The following PRKDC variants were observed in gnomAD, a reference collection of about 807,000 sequenced individuals.
PRKDC encodes DNA-dependent protein kinase catalytic subunit.
A neutral mutation model predicts 486.9 loss-of-function variants in PRKDC; 82 were observed. That is an observed-to-expected ratio of 0.17 (90% CI 0.14 to 0.20). The LOEUF is 0.20. Among genes scored for constraint, PRKDC ranks in the 10% least tolerant of loss-of-function variants. PRKDC has a pLI of 1.00. For synonymous variants in PRKDC, 1,895 were observed against 1,837.0 expected, an observed-to-expected ratio of 1.03 and a Z score of -0.81; for missense variants, 4,504 against 5,038.2, an observed-to-expected ratio of 0.89 and a Z score of 3.21.
rs754958299 is a variant in PRKDC at position 47,864,643 on chromosome 8, C to T, written c.5484G>A (p.Leu1828=). ...TCAAAGCATCCAGGCTACAGTGCCA[C>T]AGCAGAGTGAGGAGGGAGCGGTCCA... ...SFVDRSLLTL[L]WHCSLDALRE... The change falls in exon 41 of 86, where the codon CTG becomes CTA. Residue 1828 remains leucine (L), a synonymous_variant. Transcript: ENST00000314191. The T allele has an allele frequency of 1.2e-6, 2 of 1,609,302 alleles. No homozygotes were observed. Among genetic ancestry groups the T allele is most frequent in the African/African-American group, 2.7e-5 (2 of 74,860 alleles).
chr8:47,827,190 G>A (rs1004079470), intron 62 of PRKDC, among the ~76,000 whole-genome samples: 1 of 135,412 alleles, frequency 7.4e-6, no homozygotes, highest in Non-Finnish European at 1.6e-5. Context: ...AATAAAAAAC[G>A]GAGCTAATGT....
chr8:47,843,855 T>C (rs543621551), intron 54 of PRKDC, among the ~76,000 whole-genome samples: 49 of 152,228 alleles, frequency 3.2e-4, no homozygotes, highest in Non-Finnish European at 6.0e-4. Context: ...TTAAGGGAAT[T>C]TGTTACTATT....
rs1444237746 is a variant in PRKDC at position 47,783,647 on chromosome 8, T to C, written c.11175+95A>G. 6.0e-6 allele frequency: 7 copies of C among 1,171,654 alleles called. No individual in the cohort carries two copies. The East Asian group carries it at 1.7e-4, about 28-fold the overall frequency. The allele number at this position is 1,171,654 out of a possible 1,614,324, so 72.6% of individuals were successfully genotyped here. A position where few individuals can be genotyped will look rare whatever the true frequency, so the allele number is the denominator to read the frequency against. On this transcript the variant is annotated intron_variant, in intron 78 of 85. Coordinates refer to ENST00000314191, the MANE Select transcript of PRKDC (RefSeq NM_006904.7). ...AAACTTGATATATCTGTGATCAACA[T>C]GGGCCGTTGTCTCATATACTAAAGG...
chr8:47,879,142 T>C (rs2089152839), intron 39 of PRKDC, among the ~76,000 whole-genome samples: 2 of 152,240 alleles, frequency 1.3e-5, no homozygotes, highest in Admixed American at 1.3e-4. Flanking sequence ...CATTCCATTT[T>C]ACACATAAAA....
In PRKDC at chr8:47,936,547, T is replaced by C. The variant is rs373058191; in HGVS notation, c.1114-30A>G. 31 of 1,608,842 alleles carry C rather than the reference T, an allele frequency of 1.9e-5. No homozygotes were observed. The Middle Eastern group carries it at 4.9e-4, about 26-fold the overall frequency. On this transcript the variant is annotated intron_variant, in intron 11 of 85. Coordinates refer to ENST00000314191, the MANE Select transcript of PRKDC (RefSeq NM_006904.7). ...AGAAAAGGTAAAACAGAAGTCTTCA[T>C]CAATCTTATCAAGATCAAAATAATA...
intron 1 of PRKDC, among the ~76,000 whole-genome samples, chr8:47,957,942 A>C (rs2090735077): frequency 6.6e-6 from 1 of 152,228 alleles, no homozygotes; most frequent in Non-Finnish European, 1.5e-5. Context: ...AATGGCCCCA[A>C]AGATGCCTGC....
intron 27 of PRKDC, among the ~76,000 whole-genome samples, chr8:47,901,827 T>C (rs538644849): frequency 8.5e-5 from 13 of 152,280 alleles, no homozygotes; most frequent in African/African-American, 3.1e-4. Context: ...TGGTACACAA[T>C]ATTCCTAATA....
At chr8:47,855,562 G>A (rs1475059564) in intron 49 of PRKDC, among the ~76,000 whole-genome samples, 189 bp from the exon 50 acceptor site, 4 of 152,212 alleles carry the variant, frequency 2.6e-5, no homozygotes, top group East Asian at 1.9e-4. Context: ...CACCGCCGGC[G>A]CTGCAATCTC....
At chr8:47,956,977 CCA>C (rs369966363) in intron 3 of PRKDC, among the ~76,000 whole-genome samples, 192 bp downstream of exon 3, 2,421 of 11,452 alleles carry the variant, frequency 0.21, 42 homozygotes, top group African/African-American at 0.34. Flanking sequence ...AACTCCTTCT[CCA>C]AAAAAAAAAA....
intron 28 of PRKDC, 95 bp downstream of exon 28, chr8:47,900,278 A>C (rs996543459): frequency 2.2e-5 from 19 of 849,676 alleles, no homozygotes; most frequent in Non-Finnish European, 2.8e-5. Context: ...CTTGGGAAAA[A>C]AAAAACCTTA....
rs529169274 is a variant in PRKDC, at chr8:47,789,138, G to A, written c.10758+13C>T. The A allele has an allele frequency of 5.7e-5, 92 of 1,612,458 alleles. No individual in the cohort carries two copies. Among genetic ancestry groups the A allele is most frequent in the African/African-American group, 8.0e-5 (6 of 74,936 alleles). On this transcript the variant is annotated intron_variant, in intron 75 of 85. Transcript: ENST00000314191. ...TTATATGTTTTATGTGCCAGAAGCC[G>A]TTCTATCATTACCTTAAAGAGCAGT...
At chr8:47,943,074 C>A in intron 10 of PRKDC, 135 bp downstream of exon 10, 1 of 1,158,646 alleles carries the variant, frequency 8.6e-7, no homozygotes, top group Non-Finnish European at 1.2e-6. Context: ...GCTGGCTGAT[C>A]AACATCTTTC....
intron 49 of PRKDC, 145 bp from the exon 50 acceptor site, chr8:47,855,518 T>C: frequency 1.1e-6 from 1 of 885,048 alleles, no homozygotes; most frequent in Non-Finnish European, 1.7e-6. Context: ...CAGAAACAGG[T>C]AACAACAAAG....
At chr8:47,899,173 T>A (rs1233706712) in intron 28 of PRKDC, among the ~76,000 whole-genome samples, 1 of 152,218 alleles carries the variant, frequency 6.6e-6, no homozygotes, top group Non-Finnish European at 1.5e-5. Context: ...CTATGTTTTT[T>A]AAATATGTCC....
intron 68 of PRKDC, 89 bp downstream of exon 68, chr8:47,817,361 A>G (rs2154498839): frequency 1.1e-6 from 1 of 950,704 alleles, no homozygotes; most frequent in East Asian, 2.6e-5. Context: ...CTCAAATCCC[A>G]CATTTCTCTA....
chr8:47,918,181 CAACT>C (rs2090017816), intron 22 of PRKDC, 92 bp downstream of exon 22: 4 of 831,530 alleles, frequency 4.8e-6, no homozygotes, highest in Admixed American at 6.3e-5. Flanking sequence ...TATACAAAAA[CAACT>C]AACATTTTAA....
intron 74 of PRKDC, among the ~76,000 whole-genome samples, chr8:47,789,577 C>T (rs2086851882): frequency 6.7e-6 from 1 of 149,602 alleles, no homozygotes; most frequent in South Asian, 2.1e-4. Context: ...TATCCTGATA[C>T]CAAAACCAGG....
chr8:47,866,708 C>T (rs1460021827), intron 40 of PRKDC, among the ~76,000 whole-genome samples: 1 of 152,010 alleles, frequency 6.6e-6, no homozygotes, highest in Non-Finnish European at 1.5e-5. Context: ...AGTAGTGAAA[C>T]AGATACACTA....
intron 21 of PRKDC, 53 bp downstream of exon 21, chr8:47,927,141 T>A: frequency 6.5e-7 from 1 of 1,544,972 alleles, no homozygotes; most frequent in Non-Finnish European, 8.9e-7. Flanking sequence ...CTATTATAGT[T>A]ACTCCATTTC....
Sources: allele counts gnomAD v4.1 joint callset (sites outside exome capture counted in the v4.1 genomes callset), GRCh38; gene constraint gnomAD v4.1.1; transcripts MANE v1.5; gene names NCBI Gene and HGNC (gene_info 2026-07-23, HGNC 2026-07-21).